STK38: variants seen among roughly 807,000 people sequenced by gnomAD.
STK38 encodes serine/threonine-protein kinase 38.
STK38 carries 26 observed loss-of-function variants against 59.0 expected under a neutral mutation model. The observed-to-expected ratio is 0.44, with a 90% CI of 0.32 to 0.61. The LOEUF (loss-of-function observed/expected upper bound fraction) is 0.61. Ranked by LOEUF, STK38 falls within the 20% of genes least tolerant of loss-of-function variation. STK38 has a pLI of 0.04. For synonymous variants in STK38, 175 were observed against 176.6 expected (o/e 0.99, Z 0.07); for missense variants, 433 against 566.0 (o/e 0.76, Z 2.38).
chr6:36,500,117 G>A, intron 9 of STK38, 127 bp from the exon 10 acceptor site: 1 of 688,888 alleles, frequency 1.5e-6, no homozygotes, highest in Non-Finnish European at 2.6e-6. Flanking sequence ...GGACTGCCCA[G>A]TAGCTTAATG....
At chr6:36,542,260 C>A (rs891112670) in intron 1 of STK38, among the ~76,000 whole-genome samples, 2 of 152,086 alleles carry the variant, frequency 1.3e-5, no homozygotes, top group Non-Finnish European at 2.9e-5. Context: ...TCTGACACAG[C>A]CTTAAGGTAT....
Position 36,524,441 on chromosome 6 carries a change from T to C in STK38, c.206A>G (p.His69Arg), listed in dbSNP as rs758786147. The C allele has an allele frequency of 1.9e-6, 3 of 1,607,432 alleles. No individual in the cohort carries two copies. The highest frequency in any genetic ancestry group is 2.2e-5 in the South Asian group (2 of 89,238). ...AAGAAACTCTGTTTCCTTCCGAGCA[T>C]GTGCTGATCTCCGGAGTCGTTTCTA... ...DEEKRLRRSA[H>R]ARKETEFLRL... Residue 69 changes from histidine (H) to arginine (R), a missense_variant, in exon 4 of 14, where the codon CAT (histidine) becomes CGT (arginine). By Grantham distance (29) the His-to-Arg change is conservative. This residue lies in a region of STK38 where 293 missense variants were observed against 388.2 expected (regional missense o/e 0.75). Transcript: ENST00000229812.
intron 1 of STK38, among the ~76,000 whole-genome samples, chr6:36,546,945 A>AC (rs1778065265): frequency 6.6e-6 from 1 of 152,146 alleles, no homozygotes; most frequent in South Asian, 2.1e-4. Context: ...GGAGAAAGAT[A>AC]AAGGATGGGG....
In STK38 at chr6:36,526,247, T is replaced by C. The variant is rs531810673; in HGVS notation, c.132-605A>G. 2.6e-5 allele frequency among the ~76,000 whole-genome samples: 4 copies of C among 151,386 alleles called. No homozygotes were observed. In the East Asian group the frequency reaches 7.7e-4, roughly 29 times the overall value. ...TTTTTTTTTTTTTTTTTTCCAGTTA[T>C]TTCCTCCTTACCAAACCACAAAACA... On this transcript the variant is annotated intron_variant, in intron 2 of 13. Transcript: ENST00000229812.
At chr6:36,542,494 T>C (rs1210275318) in intron 1 of STK38, among the ~76,000 whole-genome samples, 1 of 152,270 alleles carries the variant, frequency 6.6e-6, no homozygotes, top group African/African-American at 2.4e-5. Context: ...ATTTAAAATA[T>C]TGTTTTCAAC....
At chr6:36,546,226 T>C (rs1268221547) in intron 1 of STK38, among the ~76,000 whole-genome samples, 4 of 152,242 alleles carry the variant, frequency 2.6e-5, no homozygotes, top group African/African-American at 7.2e-5. Context: ...TTAAGAAAGA[T>C]TAACTAGGAA....
chr6:36,523,732 C>T (rs1777441331), intron 4 of STK38, among the ~76,000 whole-genome samples: 1 of 152,178 alleles, frequency 6.6e-6, no homozygotes, highest in Non-Finnish European at 1.5e-5. Flanking sequence ...CCAAGAATTG[C>T]GGGGACAAAG....
chr6:36,498,928 G>C (rs1333495821), intron 10 of STK38, among the ~76,000 whole-genome samples: 1 of 151,992 alleles, frequency 6.6e-6, no homozygotes, highest in African/African-American at 2.4e-5. Flanking sequence ...GGATTACTCT[G>C]TATGGCCATC....
In STK38 at chr6:36,515,404, G is replaced by C; in HGVS notation, c.603C>G (p.Asp201Glu). Reference sequence around the variant, plus strand: ...GGATGAATCCAAGTTGGTGAATAGAGTCTATGGCTAATACTGTTTCTGCTA... The same window carrying C: ...GGATGAATCCAAGTTGGTGAATAGACTCTATGGCTAATACTGTTTCTGCTA... ...FYIAETVLAI[D>E]SIHQLGFIHR... The change falls in exon 7 of 14, where the codon GAC becomes GAG. Residue 201 changes from aspartate to glutamate, a missense_variant. Around this residue, in one of 3 missense-constraint regions of STK38, gnomAD observed 293 missense variants for 388.2 expected, o/e 0.75. Transcript: ENST00000229812. The C allele has an allele frequency of 6.2e-7, 1 of 1,614,044 alleles. No homozygotes were observed. The highest frequency in any genetic ancestry group is 8.5e-7 in the Non-Finnish European group (1 of 1,180,008).
intron 11 of STK38, 73 bp from the exon 12 acceptor site, chr6:36,497,948 T>C: frequency 8.5e-7 from 1 of 1,178,448 alleles, no homozygotes; most frequent in South Asian, 1.4e-5. Context: ...CTTTTTTTTT[T>C]TTTTTTTTTG....
intron 7 of STK38, among the ~76,000 whole-genome samples, chr6:36,509,310 GA>G (rs750183177): frequency 1.1e-4 from 17 of 152,308 alleles, no homozygotes; most frequent in East Asian, 3.9e-4. Flanking sequence ...CCTCAGTGCA[GA>G]AAAGACCCAG....
rs1777322081 is a variant in STK38, at chr6:36,519,034, T to C, written c.391-1194A>G. ...CCATTACTCTTCCATTTCAACACCC[T>C]CTCCCCTGGTCTTATATCTAACTTG... On this transcript the variant is annotated intron_variant, in intron 5 of 13. Transcript: ENST00000229812. 2.6e-5 allele frequency among the ~76,000 whole-genome samples: 4 copies of C among 152,178 alleles called. No homozygotes were observed. The South Asian group carries it at 6.2e-4, about 24-fold the overall frequency.
intron 4 of STK38, chr6:36,522,068 C>T (rs745796988): frequency 3.4e-6 from 1 of 296,518 alleles, no homozygotes; most frequent in Non-Finnish European, 6.2e-6. Context: ...TTGAACAAGC[C>T]AATCTAATTT....
At chr6:36,546,360 G>A (rs1778052641) in intron 1 of STK38, among the ~76,000 whole-genome samples, 2 of 152,182 alleles carry the variant, frequency 1.3e-5, no homozygotes, top group South Asian at 2.1e-4. Context: ...AACGTTTAGG[G>A]TGGGGAGGAG....
chr6:36,502,495 T>C (rs898130681), intron 9 of STK38, among the ~76,000 whole-genome samples: 3 of 152,226 alleles, frequency 2.0e-5, no homozygotes, highest in African/African-American at 7.2e-5. Context: ...CATTAATCTG[T>C]TTAAGATATT....
chr6:36,526,842 A>G (rs1355606596), intron 2 of STK38, among the ~76,000 whole-genome samples: 1 of 151,784 alleles, frequency 6.6e-6, no homozygotes, highest in Non-Finnish European at 1.5e-5. Context: ...TGCAGTGAGC[A>G]GAGATCACAC....
chr6:36,506,667 GCAGT>G, intron 8 of STK38, 23 bp from the exon 9 acceptor site: 1 of 1,608,996 alleles, frequency 6.2e-7, no homozygotes, highest in East Asian at 2.2e-5. Flanking sequence ...AATACAAGCT[GCAGT>G]CAAAGTTCAG....
intron 2 of STK38, among the ~76,000 whole-genome samples, chr6:36,536,632 C>T (rs895602550): frequency 2.6e-5 from 4 of 152,070 alleles, no homozygotes; most frequent in Non-Finnish European, 5.9e-5. Flanking sequence ...CTCCTGGGTT[C>T]AAGCGATTCT....
intron 8 of STK38, 54 bp from the exon 9 acceptor site, chr6:36,506,698 C>G: frequency 6.5e-7 from 1 of 1,538,158 alleles, no homozygotes; most frequent in Non-Finnish European, 8.9e-7. Flanking sequence ...ATGTTTACTA[C>G]TTTTTTTAGT....
Sources: allele counts gnomAD v4.1 joint callset (sites outside exome capture counted in the v4.1 genomes callset), GRCh38; gene constraint gnomAD v4.1.1; regional missense constraint gnomAD v4.1.1; transcripts MANE v1.5; gene names NCBI Gene and HGNC (gene_info 2026-07-23, HGNC 2026-07-21).